PLAC1: variants seen among roughly 807,000 people sequenced by gnomAD.
The protein encoded by PLAC1 is placenta associated 1, also known as placenta-specific protein 1.
For missense variants in PLAC1, 136 were observed against 163.2 expected, an observed-to-expected ratio of 0.83 and a Z score of 0.91; for synonymous variants, 68 against 62.1, an observed-to-expected ratio of 1.09 and a Z score of -0.44.
chrX:134,656,697 A>T lies in PLAC1; in HGVS notation c.-131+1631T>A, dbSNP rs145097088. On this transcript the variant is annotated intron_variant, in intron 1 of 2. Coordinates refer to ENST00000359237, the MANE Select transcript of PLAC1 (RefSeq NM_021796.4). ...TCTCCTGGGCTCAAGTGATCCTCCC[A>T]TCTCAGCCTCCTGAGTAGCTAGGAC... Among the ~76,000 whole-genome samples the T allele has an allele frequency of 9.9e-5, 11 of 110,988 alleles. No individual in the cohort carries two copies. The South Asian group carries it at 4.2e-3, about 43-fold the overall frequency.
intron 1 of PLAC1, among the ~76,000 whole-genome samples, chrX:134,743,548 C>T (rs762428200): frequency 9.0e-6 from 1 of 111,484 alleles, no homozygotes; most frequent in Non-Finnish European, 1.9e-5. Context: ...AAAATAAAGA[C>T]GTAGTAAAAA....
rs376241169 is a variant in PLAC1, at chrX:134,616,584, C to T, written c.-130-14462G>A. On this transcript the variant is annotated intron_variant, in intron 1 of 2. Transcript: ENST00000359237. ...CCGGGAGGCAGAGCTTGCAGTGAGC[C>T]GAGATTGCGCCACTGCACTCCAGCC... Among the ~76,000 whole-genome samples the T allele has an allele frequency of 7.3e-5, 8 of 109,067 alleles. No individual in the cohort carries two copies. The East Asian group carries it at 9.0e-4, about 12-fold the overall frequency. The allele number at this position is 109,067 out of a possible 115,157, so 94.7% of individuals were successfully genotyped here. A position where few individuals can be genotyped will look rare whatever the true frequency, so the allele number is the denominator to read the frequency against.
intron 2 of PLAC1, among the ~76,000 whole-genome samples, chrX:134,585,832 T>C (rs1415737004): frequency 9.0e-6 from 1 of 111,592 alleles, no homozygotes; most frequent in Non-Finnish European, 1.9e-5. Flanking sequence ...TACCAGCTTA[T>C]GCTTTGACAT....
chrX:134,583,280 C>T (rs1346078584), intron 2 of PLAC1, among the ~76,000 whole-genome samples: 1 of 108,742 alleles, frequency 9.2e-6, no homozygotes, highest in Admixed American at 1.0e-4. Context: ...TTTGTAGAGA[C>T]AGGGTCTTGA....
At chrX:134,618,849 A>C (rs2078197633) in intron 1 of PLAC1, among the ~76,000 whole-genome samples, 1 of 112,574 alleles carries the variant, frequency 8.9e-6, no homozygotes, top group Non-Finnish European at 1.9e-5. Context: ...GAAGTCATGC[A>C]ACAAAGATGT....
chrX:134,580,419 G>C (rs1259869611), intron 2 of PLAC1, among the ~76,000 whole-genome samples: 2 of 112,187 alleles, frequency 1.8e-5, no homozygotes, highest in African/African-American at 6.5e-5. Context: ...TTTTATGGAA[G>C]AAGAATTGAG....
chrX:134,638,994 T>A (rs752857285), intron 1 of PLAC1, among the ~76,000 whole-genome samples: 1 of 111,769 alleles, frequency 8.9e-6, no homozygotes, highest in Non-Finnish European at 1.9e-5. Flanking sequence ...TGTCCATGTG[T>A]ACTCAAAGTT....
At chrX:134,633,054 C>T (rs1014940337) in intron 1 of PLAC1, among the ~76,000 whole-genome samples, 3 of 111,936 alleles carry the variant, frequency 2.7e-5, no homozygotes, top group African/African-American at 9.8e-5. Context: ...TGCTCTTGCC[C>T]CATGCTCTTG....
chrX:134,610,732 A>G (rs2078148230), intron 1 of PLAC1, among the ~76,000 whole-genome samples: 2 of 112,080 alleles, frequency 1.8e-5, no homozygotes, highest in African/African-American at 6.5e-5. Context: ...AACTGATATG[A>G]CTACAACAAC....
chrX:134,600,832 C>T (rs1197918655), intron 2 of PLAC1: 1 of 110,890 alleles, frequency 9.0e-6, no homozygotes, highest in African/African-American at 3.3e-5. Context: ...ATGAAAATGA[C>T]TCATAATCCC....
intron 1 of PLAC1, among the ~76,000 whole-genome samples, chrX:134,633,166 C>T (rs180927675): frequency 9.0e-6 from 1 of 111,574 alleles, no homozygotes; most frequent in African/African-American, 3.3e-5. Flanking sequence ...TGGCATTGTA[C>T]CTGGCACACA....
At chrX:134,679,481 T>C (rs1005696188) in intron 2 of PLAC1, among the ~76,000 whole-genome samples, 8 of 111,220 alleles carry the variant, frequency 7.2e-5, no homozygotes, top group African/African-American at 2.6e-4. Context: ...TATTCAGCTG[T>C]GCTCTCAACA....
At chrX:134,676,431 C>T (rs1227407215) in intron 2 of PLAC1, among the ~76,000 whole-genome samples, 1 of 111,950 alleles carries the variant, frequency 8.9e-6, no homozygotes, top group Non-Finnish European at 1.9e-5. Context: ...CAGGCTTCGT[C>T]GCCCGTGGCT....
At chrX:134,713,152 A>T (rs1299802013) in intron 2 of PLAC1, among the ~76,000 whole-genome samples, 5 of 111,640 alleles carry the variant, frequency 4.5e-5, no homozygotes, top group Non-Finnish European at 9.4e-5. Flanking sequence ...CAAAGGTCCC[A>T]AACCCCATAT....
intron 1 of PLAC1, among the ~76,000 whole-genome samples, 178 bp downstream of exon 1, chrX:134,658,150 G>A (rs1263125828): frequency 8.9e-6 from 1 of 112,286 alleles, no homozygotes; most frequent in East Asian, 2.8e-4. Flanking sequence ...CCAGCTGGAG[G>A]GCAATAATTG....
In PLAC1 at chrX:134,653,267, C is replaced by A. The variant is rs1248011419; in HGVS notation, c.-131+5061G>T. 2.7e-5 allele frequency among the ~76,000 whole-genome samples: 3 copies of A among 112,166 alleles called. 1 individual carries two copies. The Admixed American group carries it at 2.8e-4, about 11-fold the overall frequency. ...TTGGCAGGCCTGGGTCTTCTTGACA[C>A]CCTTCCCTCTCCTAACCACCTGCTC... is the stretch of plus-strand genomic sequence containing the variant. On this transcript the variant is annotated intron_variant, in intron 1 of 2. Transcript: ENST00000359237.
intron 1 of PLAC1, among the ~76,000 whole-genome samples, chrX:134,608,227 C>T (rs2078132418): frequency 9.0e-6 from 1 of 111,644 alleles, no homozygotes; most frequent in East Asian, 2.8e-4. Context: ...AAACTTGTAT[C>T]CCAAATGTTT....
At chrX:134,606,566 T>G (rs558532895) in intron 1 of PLAC1, among the ~76,000 whole-genome samples, 2 of 112,151 alleles carry the variant, frequency 1.8e-5, no homozygotes, top group Non-Finnish European at 3.8e-5. Context: ...GCTTATGTAC[T>G]GTTGGTTAGA....
chrX:134,597,277 A>G (rs745671774), intron 2 of PLAC1, among the ~76,000 whole-genome samples: 13 of 111,429 alleles, frequency 1.2e-4, no homozygotes, highest in African/African-American at 4.2e-4. Context: ...TGTTCACCCT[A>G]TTCACTGAGA....
Sources: allele counts gnomAD v4.1 joint callset (sites outside exome capture counted in the v4.1 genomes callset), GRCh38; gene constraint gnomAD v4.1.1; transcripts MANE v1.5; gene names NCBI Gene and HGNC (gene_info 2026-07-23, HGNC 2026-07-21).